The following SLC38A1 variants were observed in gnomAD, a reference collection of about 807,000 sequenced individuals.
The protein encoded by SLC38A1 is sodium-coupled neutral amino acid symporter 1.
In SLC38A1, 18 loss-of-function variants were observed where a neutral mutation model predicts 60.3. The ratio of observed to expected loss-of-function variants is 0.30; its 90% CI spans 0.21 to 0.44. The LOEUF is 0.44. Ranked by LOEUF, SLC38A1 falls within the 20% of genes least tolerant of loss-of-function variation. The pLI is 1.00. For synonymous variants in SLC38A1, 196 were observed against 212.1 expected, an observed-to-expected ratio of 0.92 and a Z score of 0.66; for missense variants, 448 against 587.2, an observed-to-expected ratio of 0.76 and a Z score of 2.45.
intron 5 of SLC38A1, among the ~76,000 whole-genome samples, chr12:46,222,312 C>G (rs896151981): frequency 1.3e-5 from 2 of 151,982 alleles, no homozygotes; most frequent in South Asian, 2.1e-4. Flanking sequence ...CTCCACTCCA[C>G]CTCTAGACCC....
At chr12:46,204,267 G>T in intron 11 of SLC38A1, 34 bp downstream of exon 11, 1 of 1,294,496 alleles carries the variant, frequency 7.7e-7, no homozygotes, top group Non-Finnish European at 1.1e-6. Context: ...TAATAAAAAT[G>T]CTTGTTTCAT....
intron 11 of SLC38A1, 32 bp downstream of exon 11, chr12:46,204,269 T>C (rs1484209723): frequency 1.5e-6 from 2 of 1,324,962 alleles, no homozygotes; most frequent in Non-Finnish European, 2.2e-6. Context: ...ATAAAAATGC[T>C]TGTTTCATCT....
In SLC38A1 at chr12:46,204,407, T is replaced by C. The variant is rs776990329; in HGVS notation, c.716A>G (p.Lys239Arg). 1.9e-6 allele frequency: 3 copies of C among 1,611,500 alleles called. No individual in the cohort carries two copies. Among genetic ancestry groups the C allele is most frequent in the Admixed American group, 3.3e-5 (2 of 59,992 alleles). The change falls in exon 11 of 17, where the codon AAG (lysine) becomes AGG (arginine). Residue 239 changes from lysine to arginine, a missense_variant. Lys to Arg is a conservative substitution (Grantham distance 26). This residue lies in a region of SLC38A1 where 346 missense variants were observed against 497.5 expected (regional missense o/e 0.70). Transcript: ENST00000398637. ...MVFFLIVVIY[K>R]KFQIPCIVPE... The stretch of plus-strand genomic sequence containing the variant: ...AACAATGCAGGGAATTTGAAATTTC[T>C]TGTAAATAACCTGGTATTAAGAAGT...
At chr12:46,259,984 A>G (rs1942149264) in intron 1 of SLC38A1, among the ~76,000 whole-genome samples, 2 of 152,210 alleles carry the variant, frequency 1.3e-5, no homozygotes, top group Admixed American at 1.3e-4. Context: ...GTGTAGCCCC[A>G]GGAAAGAAGG....
intron 16 of SLC38A1, among the ~76,000 whole-genome samples, chr12:46,195,452 G>A (rs7316615): frequency 0.22 from 34,083 of 152,056 alleles, 4,470 homozygotes; most frequent in Admixed American, 0.31. Context: ...ATGCCATGCT[G>A]AGAGAACCAT....
chr12:46,232,919 G>T (rs1477558197), intron 3 of SLC38A1, among the ~76,000 whole-genome samples: 1 of 152,060 alleles, frequency 6.6e-6, no homozygotes, highest in African/African-American at 2.4e-5. Context: ...TTGTCAATTT[G>T]TGTTTGTTTT....
intron 16 of SLC38A1, chr12:46,195,953 C>T (rs1939355591): frequency 4.0e-6 from 2 of 498,422 alleles, no homozygotes; most frequent in Admixed American, 6.2e-5. Context: ...CTTCCATGGG[C>T]TGCACCCACT....
At chr12:46,240,047 T>C (rs1592133504) in intron 2 of SLC38A1, among the ~76,000 whole-genome samples, 154 bp from the exon 3 acceptor site, 2 of 152,232 alleles carry the variant, frequency 1.3e-5, no homozygotes, top group Non-Finnish European at 1.5e-5. Flanking sequence ...TATCAAGTTA[T>C]GGAGGTGTAT....
chr12:46,244,329 T>A (rs1196030391), intron 1 of SLC38A1, among the ~76,000 whole-genome samples: 4 of 152,360 alleles, frequency 2.6e-5, no homozygotes, highest in African/African-American at 4.8e-5. Flanking sequence ...AGGACAGTAC[T>A]GGCAGCCTAA....
chr12:46,241,329 G>A (rs958828957), intron 2 of SLC38A1, among the ~76,000 whole-genome samples: 1 of 152,164 alleles, frequency 6.6e-6, no homozygotes, highest in African/African-American at 2.4e-5. Context: ...CCCACAGAAA[G>A]TGCCTTAGAA....
intron 16 of SLC38A1, among the ~76,000 whole-genome samples, chr12:46,189,503 G>GA (rs1000878052): frequency 1.5e-4 from 23 of 151,764 alleles, no homozygotes; most frequent in Middle Eastern, 6.8e-3. Context: ...TGAAAAAGTG[G>GA]AAAAAAAACA....
chr12:46,210,551 T>G (rs1445540579), intron 5 of SLC38A1, among the ~76,000 whole-genome samples: 1 of 152,074 alleles, frequency 6.6e-6, no homozygotes, highest in Admixed American at 6.5e-5. Context: ...ATGGTTTGGC[T>G]GTGTCCCCAC....
At chr12:46,194,123 A>T (rs4768690) in intron 16 of SLC38A1, among the ~76,000 whole-genome samples, 1 of 151,924 alleles carries the variant, frequency 6.6e-6, no homozygotes, top group Non-Finnish European at 1.5e-5. Context: ...TTGTAAGGCG[A>T]GCCTGGTGGT....
rs369551715 is a variant in SLC38A1, at chr12:46,204,335, G to T, written c.788C>A (p.Thr263Lys). The T allele has an allele frequency of 1.9e-6, 3 of 1,612,788 alleles. No homozygotes were observed. The African/African-American group carries it at 4.0e-5, about 22-fold the overall frequency. ...GAAGGTAACATATTTTGGCGTACAC[G>T]TGTCAGCATTTGTTGAATTAGCACT... ...TISANSTNADTCTPKYVTFNS... is the reference protein window; with the variant it reads ...TISANSTNADKCTPKYVTFNS... Residue 263 changes from threonine to lysine, a missense_variant, in exon 11 of 17, where the codon ACG becomes AAG. Transcript: ENST00000398637.
At chr12:46,243,064 A>G (rs1285021346) in intron 2 of SLC38A1, 136 bp downstream of exon 2, 3 of 151,684 alleles carry the variant, frequency 2.0e-5, no homozygotes, top group African/African-American at 7.2e-5. Flanking sequence ...TCTAAAAAAT[A>G]TTAGTTATTT....
In SLC38A1 at chr12:46,234,206, G is replaced by A. The variant is rs575409807; in HGVS notation, c.123-4567C>T. 3.9e-5 allele frequency among the ~76,000 whole-genome samples: 6 copies of A among 152,300 alleles called. No individual in the cohort carries two copies. The South Asian group carries it at 1.0e-3, about 26-fold the overall frequency. ...ACTCATCTTGAATTGTGGTTGTCCA[G>A]TGCTGTCTCTCAGCTCCTTCTAATA... On this transcript the variant is annotated intron_variant, in intron 3 of 16. Coordinates refer to ENST00000398637, the MANE Select transcript of SLC38A1 (RefSeq NM_030674.4).
intron 16 of SLC38A1, among the ~76,000 whole-genome samples, chr12:46,190,246 G>A (rs1487458746): frequency 6.6e-6 from 1 of 152,110 alleles, no homozygotes; most frequent in African/African-American, 2.4e-5. Context: ...CTTCATCCAT[G>A]TCCCTGCAAA....
intron 16 of SLC38A1, 81 bp downstream of exon 16, chr12:46,197,639 G>T: frequency 2.2e-6 from 2 of 913,932 alleles, no homozygotes; most frequent in Non-Finnish European, 3.5e-6. Flanking sequence ...AAGTAGTCTT[G>T]ATAGAGAGGT....
chr12:46,208,433 A>C (rs1940006361), intron 6 of SLC38A1, among the ~76,000 whole-genome samples: 1 of 152,242 alleles, frequency 6.6e-6, no homozygotes, highest in Non-Finnish European at 1.5e-5. Context: ...GACAATGGTT[A>C]GCTCCTCAAT....
Sources: allele counts gnomAD v4.1 joint callset (sites outside exome capture counted in the v4.1 genomes callset), GRCh38; gene constraint gnomAD v4.1.1; regional missense constraint gnomAD v4.1.1; transcripts MANE v1.5; gene names NCBI Gene and HGNC (gene_info 2026-07-23, HGNC 2026-07-21).